WDR45B: variants seen among roughly 807,000 people sequenced by gnomAD.
WDR45B encodes WD repeat domain phosphoinositide-interacting protein 3.
A neutral mutation model predicts 44.6 loss-of-function variants in WDR45B; 20 were observed. The ratio of observed to expected loss-of-function variants is 0.45; its 90% confidence interval spans 0.32 to 0.65. The LOEUF is 0.65. Ranked by LOEUF, WDR45B falls within the 30% of genes least tolerant of loss-of-function variation. The probability of loss-of-function intolerance (pLI) is 0.05; values close to 1 mark genes in which losing one functional copy is unlikely to be tolerated. For missense variants in WDR45B, 323 were observed against 430.2 expected (o/e 0.75, Z 2.20); for synonymous variants, 169 against 164.9 (o/e 1.02, Z -0.19).
chr17:82,633,924 G>A (rs11657675), intron 2 of WDR45B, among the ~76,000 whole-genome samples: 39,624 of 151,380 alleles, frequency 0.26, 5,305 homozygotes, highest in African/African-American at 0.31. Context: ...CAAGGCAGGT[G>A]GATCACTTGA....
chr17:82,647,924 T>A (rs534430646), intron 1 of WDR45B, among the ~76,000 whole-genome samples: 2 of 149,214 alleles, frequency 1.3e-5, no homozygotes, highest in Non-Finnish European at 3.0e-5. Context: ...CGAGTGGGCG[T>A]GGCGCGCGGG....
At chr17:82,620,869 C>A (rs756812469) in intron 6 of WDR45B, among the ~76,000 whole-genome samples, 2 of 152,064 alleles carry the variant, frequency 1.3e-5, no homozygotes, top group African/African-American at 2.4e-5. Flanking sequence ...TTTTCAGTTA[C>A]AATCTGGTGG....
chr17:82,632,711 T>A (rs2045783439), intron 2 of WDR45B, among the ~76,000 whole-genome samples: 1 of 152,016 alleles, frequency 6.6e-6, no homozygotes, highest in Admixed American at 6.6e-5. Context: ...CAAAAGTTCC[T>A]CAGCTCGATC....
chr17:82,639,499 C>A (rs2045880917), intron 2 of WDR45B, among the ~76,000 whole-genome samples: 2 of 152,060 alleles, frequency 1.3e-5, no homozygotes, highest in African/African-American at 4.8e-5. Flanking sequence ...CCCAAAGCTA[C>A]CCACCACCTC....
intron 8 of WDR45B, 91 bp downstream of exon 8, chr17:82,617,205 G>A: frequency 1.7e-6 from 2 of 1,151,382 alleles, no homozygotes; most frequent in Non-Finnish European, 2.6e-6. Flanking sequence ...ACACCACCCT[G>A]CTGGGGTGGG....
intron 5 of WDR45B, among the ~76,000 whole-genome samples, chr17:82,622,858 G>C (rs141398897): frequency 2.0e-4 from 31 of 151,850 alleles, no homozygotes; most frequent in African/African-American, 7.5e-4. Context: ...AGAACAAAAA[G>C]TCCAGAAAAA....
rs762276961 is a variant in WDR45B, at chr17:82,648,379, T to G, written c.-39A>C. On this transcript the variant is annotated 5_prime_UTR_variant, in exon 1 of 10. An upstream start codon of the reference 5' UTR is lost. Transcript: ENST00000392325. ...TGGGTCGCCGCTCCTCAGCGCTGCA[T>G]GCCTCTCGCTGGGGACGGCGGCCTG... 1.9e-5 allele frequency: 30 copies of G among 1,594,184 alleles called. No homozygotes were observed. Among genetic ancestry groups the G allele is most frequent in the Non-Finnish European group, 2.5e-5 (29 of 1,172,254 alleles).
At chr17:82,624,819 C>T (rs992939097) in intron 5 of WDR45B, among the ~76,000 whole-genome samples, 5 of 150,336 alleles carry the variant, frequency 3.3e-5, no homozygotes, top group Non-Finnish European at 5.9e-5. Context: ...AGGGTTTCAC[C>T]GTGTTAGCCA....
intron 5 of WDR45B, among the ~76,000 whole-genome samples, chr17:82,624,091 CA>C (rs1024524839): frequency 1.2e-4 from 19 of 152,068 alleles, no homozygotes; most frequent in African/African-American, 4.6e-4. Flanking sequence ...ACTACCCACA[CA>C]AAGGCTGCTA....
intron 5 of WDR45B, among the ~76,000 whole-genome samples, chr17:82,624,676 T>C (rs2143284829): frequency 6.6e-6 from 1 of 150,828 alleles, no homozygotes; most frequent in Non-Finnish European, 1.5e-5. Flanking sequence ...TGGAGTGCAA[T>C]GGTGTGATCT....
Position 82,648,400 on chromosome 17 carries a change from G to C in WDR45B, c.-60C>G. ...TGCATGCCTCTCGCTGGGGACGGCG[G>C]CCTGGTCCCTTCGGGCCGGCGCTGA... On this transcript the variant is annotated 5_prime_UTR_variant, in exon 1 of 10. Transcript: ENST00000392325. The C allele has an allele frequency of 6.3e-7, 1 of 1,577,542 alleles. No individual in the cohort carries two copies. The highest frequency in any genetic ancestry group is 8.6e-7 in the Non-Finnish European group (1 of 1,163,340).
At chr17:82,643,724 G>C (rs2045944372) in intron 2 of WDR45B, among the ~76,000 whole-genome samples, 1 of 152,180 alleles carries the variant, frequency 6.6e-6, no homozygotes, top group African/African-American at 2.4e-5. Context: ...TAATTCACTA[G>C]AGAAATCAGG....
rs1369406115 is a variant in WDR45B at position 82,621,640 on chromosome 17, T to A, written c.587A>T (p.Gln196Leu). Reference protein sequence around the residue: ...GVLSCIALNLQGTRIATASEK... With the variant: ...GVLSCIALNLLGTRIATASEK... ...GGATGCAGTTGCAATTCTTGTTCCCTGCAGGTTGAGTGCAATGCAGCTCAG... is the reference window on the plus strand; with the variant it reads ...GGATGCAGTTGCAATTCTTGTTCCCAGCAGGTTGAGTGCAATGCAGCTCAG... The change falls in exon 6 of 10, where the codon CAG (glutamine) becomes CTG (leucine). Residue 196 changes from glutamine (Q) to leucine (L), a missense_variant. Gln to Leu is a moderately radical substitution (Grantham distance 113, BLOSUM62 -2). Coordinates refer to ENST00000392325, the MANE Select transcript of WDR45B (RefSeq NM_019613.4). 1 of 1,614,232 alleles carries A rather than the reference T, an allele frequency of 6.2e-7. No individual in the cohort carries two copies. Among genetic ancestry groups the A allele is most frequent in the Non-Finnish European group, 8.5e-7 (1 of 1,180,044 alleles).
At chr17:82,634,150 CAAAAA>C (rs36183298) in intron 2 of WDR45B, among the ~76,000 whole-genome samples, 22 of 31,908 alleles carry the variant, frequency 6.9e-4, no homozygotes, top group East Asian at 2.4e-3. Context: ...GACTCCATCT[CAAAAA>C]AAAAAAAAAA....
At chr17:82,617,991 C>G (rs955664428) in intron 7 of WDR45B, among the ~76,000 whole-genome samples, 1 of 151,670 alleles carries the variant, frequency 6.6e-6, no homozygotes, top group Admixed American at 6.6e-5. Context: ...CGCAGTAGCA[C>G]GACCTTGGCT....
chr17:82,616,206 T>C (rs753569), intron 9 of WDR45B, among the ~76,000 whole-genome samples, 181 bp from the exon 10 acceptor site: 1 of 151,736 alleles, frequency 6.6e-6, no homozygotes, highest in African/African-American at 2.4e-5. Flanking sequence ...GAATCCTGAC[T>C]GTCTTGGTGT....
Position 82,616,043 on chromosome 17 carries a change from C to A in WDR45B, c.929-18G>T, listed in dbSNP as rs778930977. On this transcript the variant is annotated intron_variant, in intron 9 of 9. Coordinates refer to ENST00000392325, the MANE Select transcript of WDR45B (RefSeq NM_019613.4). ...ACAAATTGCTGGGATAGAAGGAGACCATTTTACCTGTGTGTTTCTTTCCCT... is the reference window on the plus strand; with the variant it reads ...ACAAATTGCTGGGATAGAAGGAGACAATTTTACCTGTGTGTTTCTTTCCCT... 10 of 1,605,454 alleles carry A rather than the reference C, an allele frequency of 6.2e-6. No homozygotes were observed. Among genetic ancestry groups the A allele is most frequent in the South Asian group, 1.1e-5 (1 of 90,862 alleles).
chr17:82,625,085 G>C (rs2045677649), intron 5 of WDR45B, among the ~76,000 whole-genome samples: 1 of 152,210 alleles, frequency 6.6e-6, no homozygotes, highest in African/African-American at 2.4e-5. Flanking sequence ...CTTGAGTCCA[G>C]AACTCAGTGG....
intron 6 of WDR45B, 115 bp downstream of exon 6, chr17:82,621,494 G>T: frequency 7.3e-7 from 1 of 1,377,292 alleles, no homozygotes; most frequent in Non-Finnish European, 1.0e-6. Flanking sequence ...GCCCCTGAGG[G>T]GCTCCAGGTT....
Sources: allele counts gnomAD v4.1 joint callset (sites outside exome capture counted in the v4.1 genomes callset), GRCh38; gene constraint gnomAD v4.1.1; transcripts MANE v1.5; gene names NCBI Gene and HGNC (gene_info 2026-07-23, HGNC 2026-07-21).